SORCS2: variants seen among roughly 807,000 people sequenced by gnomAD.
The protein encoded by SORCS2 is VPS10 domain-containing receptor SorCS2.
In SORCS2, 100 loss-of-function variants were observed where a neutral mutation model predicts 141.6. That is an observed-to-expected ratio of 0.71 (90% CI 0.60 to 0.83). The LOEUF (loss-of-function observed/expected upper bound fraction) is 0.83, where lower values mean the gene tolerates loss of function less well. Among genes scored for constraint, SORCS2 ranks in the 40% least tolerant of loss-of-function variants. The pLI, the probability that SORCS2 is intolerant of heterozygous loss-of-function variation, is 0.00. For synonymous variants in SORCS2, 789 were observed against 676.9 expected (o/e 1.17, Z -2.57); for missense variants, 1,646 against 1,560.2 (o/e 1.05, Z -0.93).
At chr4:7,378,677 A>G (rs1367568548) in intron 1 of SORCS2, among the ~76,000 whole-genome samples, 3 of 152,278 alleles carry the variant, frequency 2.0e-5, no homozygotes, top group East Asian at 3.9e-4. Flanking sequence ...GAGCCCAACC[A>G]TAGCAGGTTC....
chr4:7,628,968 G>A (rs1341072229), intron 3 of SORCS2, among the ~76,000 whole-genome samples: 1 of 152,162 alleles, frequency 6.6e-6, no homozygotes. Flanking sequence ...TCAGGAGTCA[G>A]GGCCCACTTA....
At chr4:7,329,557 G>C (rs1719508712) in intron 1 of SORCS2, among the ~76,000 whole-genome samples, 1 of 152,170 alleles carries the variant, frequency 6.6e-6, no homozygotes, top group African/African-American at 2.4e-5. Flanking sequence ...TTCATGGCAG[G>C]TTTCTTTGGT....
At chr4:7,335,004 A>G (rs565175974) in intron 1 of SORCS2, among the ~76,000 whole-genome samples, 2 of 152,116 alleles carry the variant, frequency 1.3e-5, no homozygotes, top group Non-Finnish European at 2.9e-5. Flanking sequence ...ACTGAGATGC[A>G]GTCGGCTGGG....
At chr4:7,420,028 G>C (rs1226400712) in intron 2 of SORCS2, among the ~76,000 whole-genome samples, 2 of 152,210 alleles carry the variant, frequency 1.3e-5, no homozygotes, top group African/African-American at 4.8e-5. Flanking sequence ...GGGCCTAAGA[G>C]TCCTCCAGTC....
intron 7 of SORCS2, among the ~76,000 whole-genome samples, chr4:7,665,635 TG>T (rs998521993): frequency 3.9e-5 from 6 of 152,084 alleles, no homozygotes. Flanking sequence ...CAGGCCCCAC[TG>T]TGTCATTCCG....
chr4:7,682,958 A>T (rs1723622431), intron 10 of SORCS2, 69 bp downstream of exon 10: 13 of 1,549,854 alleles, frequency 8.4e-6, no homozygotes, highest in Non-Finnish European at 1.1e-5. Context: ...AGTAATCAAG[A>T]AGGTCAGAGG....
chr4:7,409,157 T>A (rs1725151503), intron 2 of SORCS2, among the ~76,000 whole-genome samples: 1 of 152,218 alleles, frequency 6.6e-6, no homozygotes, highest in East Asian at 1.9e-4. Context: ...GTCTTTGCAT[T>A]AAAGGATTCA....
chr4:7,563,934 C>T (rs1395368148), intron 3 of SORCS2, among the ~76,000 whole-genome samples: 3 of 152,204 alleles, frequency 2.0e-5, no homozygotes, highest in Non-Finnish European at 4.4e-5. Context: ...GAAAATGGTA[C>T]TTGTTAGAAA....
Position 7,599,353 on chromosome 4 carries a change from C to T in SORCS2, c.649-38975C>T, listed in dbSNP as rs375802380. On this transcript the variant is annotated intron_variant, in intron 3 of 26. Coordinates refer to ENST00000507866, the MANE Select transcript of SORCS2 (RefSeq NM_020777.3). ...TGATCCACGTGCCAGGCACTTGGCA[C>T]GGGTGCTTCTCTGCAGCCTCAGAAA... 2.0e-4 allele frequency among the ~76,000 whole-genome samples: 30 copies of T among 152,326 alleles called. No homozygotes were observed. In the South Asian group the frequency reaches 4.8e-3, roughly 24 times the overall value.
intron 2 of SORCS2, among the ~76,000 whole-genome samples, chr4:7,468,932 C>G (rs967321793): frequency 5.9e-5 from 9 of 152,190 alleles, no homozygotes; most frequent in Non-Finnish European, 1.2e-4. Context: ...TTGGACAAGT[C>G]ACTTAACCTC....
At chr4:7,357,911 TGAAAAG>T (rs1164272190) in intron 1 of SORCS2, among the ~76,000 whole-genome samples, 3 of 152,128 alleles carry the variant, frequency 2.0e-5, no homozygotes, top group Non-Finnish European at 4.4e-5. Flanking sequence ...ACGGTTCAAA[TGAAAAG>T]GAGCAGAAGA....
chr4:7,497,229 C>A (rs563852101), intron 2 of SORCS2, among the ~76,000 whole-genome samples: 1 of 152,258 alleles, frequency 6.6e-6, no homozygotes, highest in Non-Finnish European at 1.5e-5. Flanking sequence ...GAGAAAGGAA[C>A]GTGTCAGGAG....
chr4:7,252,464 T>C (rs1318632281), intron 1 of SORCS2, among the ~76,000 whole-genome samples: 1 of 152,252 alleles, frequency 6.6e-6, no homozygotes, highest in East Asian at 1.9e-4. Context: ...TTCTCTTTTT[T>C]TGGAATGTTC....
At chr4:7,269,644 C>T (rs1247629534) in intron 1 of SORCS2, among the ~76,000 whole-genome samples, 1 of 152,172 alleles carries the variant, frequency 6.6e-6, no homozygotes, top group Non-Finnish European at 1.5e-5. Context: ...CAAGGTATGC[C>T]AGTGATGGCT....
chr4:7,294,789 T>C (rs1462521067), intron 1 of SORCS2, among the ~76,000 whole-genome samples: 1 of 8,174 alleles, frequency 1.2e-4, no homozygotes, highest in Non-Finnish European at 2.2e-4. Context: ...CTCCCCTCCC[T>C]CCTCCCCTCC....
chr4:7,477,191 G>A (rs569109680), intron 2 of SORCS2, among the ~76,000 whole-genome samples: 1 of 151,572 alleles, frequency 6.6e-6, no homozygotes, highest in African/African-American at 2.4e-5. Flanking sequence ...ATAAGACGTG[G>A]CCTCCGGCAC....
chr4:7,549,337 T>C (rs1221200863), intron 3 of SORCS2, among the ~76,000 whole-genome samples: 5 of 152,092 alleles, frequency 3.3e-5, no homozygotes, highest in Non-Finnish European at 7.4e-5. Flanking sequence ...AGCCTGCCTT[T>C]TCAACCCACC....
At chr4:7,388,112 A>G (rs1239207325) in intron 1 of SORCS2, among the ~76,000 whole-genome samples, 1 of 151,958 alleles carries the variant, frequency 6.6e-6, no homozygotes. Flanking sequence ...GCACAGACAC[A>G]TGCACACACA....
chr4:7,664,360 G>A lies in SORCS2; in HGVS notation c.960G>A (p.Arg320=), dbSNP rs1338558036. ...VEAQDLGGDF[R]YVTCAIHNCS... ...GGCGCCTCTCTCCTGTAGATTTTCG[G>A]TACGTCACCTGCGCAATCCACAATT... Residue 320 remains arginine, a synonymous_variant, in exon 7 of 27, where the codon CGG becomes CGA. Transcript: ENST00000507866. This position sits in a 1 kb window ranked among gnomAD's most constrained non-coding sequence, Gnocchi z 4.7. 1.9e-6 allele frequency: 3 copies of A among 1,613,392 alleles called. No individual in the cohort carries two copies. The highest frequency in any genetic ancestry group is 1.3e-5 in the African/African-American group (1 of 74,992).
Sources: allele counts gnomAD v4.1 joint callset (sites outside exome capture counted in the v4.1 genomes callset), GRCh38; gene constraint gnomAD v4.1.1; non-coding constraint Gnocchi (gnomAD v3.1); transcripts MANE v1.5; gene names NCBI Gene and HGNC (gene_info 2026-07-23, HGNC 2026-07-21).